The following GFRAL variants were observed in gnomAD, a reference collection of about 807,000 sequenced individuals.
GFRAL encodes the protein GDNF family receptor alpha like, also known as GDNF family receptor alpha-like.
In GFRAL, 36 loss-of-function variants were observed where a neutral mutation model predicts 45.4. The observed-to-expected ratio is 0.79, with a 90% CI of 0.61 to 1.05. The LOEUF (loss-of-function observed/expected upper bound fraction) is 1.05. Among genes scored for constraint, GFRAL ranks in the 50% least tolerant of loss-of-function variants. The pLI, the probability that GFRAL is intolerant of heterozygous loss-of-function variation, is 0.00. For synonymous variants in GFRAL, 166 were observed against 154.1 expected (o/e 1.08, Z -0.57); for missense variants, 507 against 467.5 (o/e 1.08, Z -0.78).
intron 2 of GFRAL, among the ~76,000 whole-genome samples, chr6:55,332,714 G>A (rs116145008): frequency 0.013 from 1,990 of 152,112 alleles, 23 homozygotes; most frequent in Non-Finnish European, 0.022. Context: ...GCACCACCGT[G>A]CCTGGCCTAT....
intron 4 of GFRAL, 56 bp downstream of exon 4, chr6:55,350,201 A>G: frequency 9.6e-7 from 1 of 1,044,818 alleles, no homozygotes; most frequent in Non-Finnish European, 1.5e-6. Flanking sequence ...ATAATATAAA[A>G]TGCAGTTACC....
chr6:55,382,493 T>C (rs1166463244), intron 6 of GFRAL, among the ~76,000 whole-genome samples: 1 of 151,926 alleles, frequency 6.6e-6, no homozygotes, highest in Non-Finnish European at 1.5e-5. Context: ...TTGGGTTGGG[T>C]CCTCAGGGAA....
chr6:55,357,315 T>A (rs1768207882), intron 5 of GFRAL, among the ~76,000 whole-genome samples: 1 of 151,922 alleles, frequency 6.6e-6, no homozygotes, highest in South Asian at 2.1e-4. Flanking sequence ...TTAGGTCTAA[T>A]ACTATTTGCT....
intron 3 of GFRAL, among the ~76,000 whole-genome samples, chr6:55,346,849 A>AG (rs1768050187): frequency 1.4e-5 from 2 of 139,216 alleles, no homozygotes; most frequent in African/African-American, 5.1e-5. Context: ...CCCCAAAAAA[A>AG]AGAAAAAACA....
At chr6:55,396,270 C>T (rs1209688923) in intron 6 of GFRAL, among the ~76,000 whole-genome samples, 2 of 152,104 alleles carry the variant, frequency 1.3e-5, no homozygotes, top group African/African-American at 2.4e-5. Flanking sequence ...TCTATTATAA[C>T]GTTGTTAATG....
At chr6:55,387,125 C>T (rs1017416491) in intron 6 of GFRAL, among the ~76,000 whole-genome samples, 1 of 152,034 alleles carries the variant, frequency 6.6e-6, no homozygotes, top group African/African-American at 2.4e-5. Context: ...TAAAGAGTTG[C>T]CATTGATGAG....
intron 6 of GFRAL, among the ~76,000 whole-genome samples, chr6:55,392,925 A>G (rs965164709): frequency 1.3e-5 from 2 of 152,182 alleles, no homozygotes; most frequent in Admixed American, 1.3e-4. Context: ...TGAAAAAGAA[A>G]AAAGGAAAGA....
intron 6 of GFRAL, among the ~76,000 whole-genome samples, chr6:55,381,779 C>T (rs1768610995): frequency 6.6e-6 from 1 of 151,762 alleles, no homozygotes; most frequent in African/African-American, 2.4e-5. Context: ...ATAAATAAAA[C>T]ACTGAGCTAA....
chr6:55,394,435 A>G (rs557114134), intron 6 of GFRAL, among the ~76,000 whole-genome samples: 176 of 152,274 alleles, frequency 1.2e-3, no homozygotes, highest in Non-Finnish European at 2.1e-3. Flanking sequence ...CCAGTGAAGA[A>G]GAATATTTGA....
At chr6:55,391,948 T>A (rs191391049) in intron 6 of GFRAL, among the ~76,000 whole-genome samples, 1 of 152,348 alleles carries the variant, frequency 6.6e-6, no homozygotes, top group Admixed American at 6.5e-5. Context: ...ATTGCCTATG[T>A]TTAGTTTTTA....
At chr6:55,333,243 A>G (rs1274241894) in intron 2 of GFRAL, among the ~76,000 whole-genome samples, 2 of 152,138 alleles carry the variant, frequency 1.3e-5, no homozygotes, top group Non-Finnish European at 2.9e-5. Flanking sequence ...GAAAATGTTC[A>G]GGTAGAGGAT....
chr6:55,400,031 A>C (rs1426794639), intron 8 of GFRAL, among the ~76,000 whole-genome samples: 1 of 152,164 alleles, frequency 6.6e-6, no homozygotes, highest in Admixed American at 6.5e-5. Flanking sequence ...TCCAGCAGGC[A>C]TGTGAGACAT....
intron 3 of GFRAL, among the ~76,000 whole-genome samples, chr6:55,348,033 T>C (rs1344147776): frequency 1.3e-5 from 2 of 152,146 alleles, no homozygotes; most frequent in East Asian, 1.9e-4. Flanking sequence ...AAAAAGAAGA[T>C]GTATGGAAGT....
At chr6:55,388,563 A>T (rs1209560660) in intron 6 of GFRAL, among the ~76,000 whole-genome samples, 1 of 152,214 alleles carries the variant, frequency 6.6e-6, no homozygotes, top group Non-Finnish European at 1.5e-5. Context: ...TTGAAAATGT[A>T]CACTAAGCAT....
intron 5 of GFRAL, among the ~76,000 whole-genome samples, chr6:55,354,447 A>G (rs1206331953): frequency 6.6e-6 from 1 of 152,028 alleles, no homozygotes; most frequent in East Asian, 1.9e-4. Context: ...TAGTATACAT[A>G]TATGTATTTC....
chr6:55,360,589 T>C (rs1057451924), intron 6 of GFRAL, among the ~76,000 whole-genome samples: 3 of 151,982 alleles, frequency 2.0e-5, no homozygotes, highest in African/African-American at 7.2e-5. Flanking sequence ...GTGTTTTCTG[T>C]GGAATATCCA....
chr6:55,348,016 T>C lies in GFRAL; in HGVS notation c.317-2076T>C, dbSNP rs189998158. On this transcript the variant is annotated intron_variant, in intron 3 of 8. Transcript: ENST00000340465. ...AGAGTTTAGTTTCTGATATTATCAA[T>C]GTTAAGAAAAAGAAGATGTATGGAA... Among the ~76,000 whole-genome samples, 375 of 152,238 alleles carry C rather than the reference T, an allele frequency of 2.5e-3. 1 individual carries two copies. The highest frequency in any genetic ancestry group is 8.5e-3 in the African/African-American group (353 of 41,554).
intron 2 of GFRAL, among the ~76,000 whole-genome samples, chr6:55,333,500 A>C (rs1438457700): frequency 1.3e-5 from 2 of 152,184 alleles, no homozygotes; most frequent in African/African-American, 4.8e-5. Context: ...CACCTCCTGT[A>C]AGAGTAGCCT....
chr6:55,397,242 G>T (rs1348254014), intron 6 of GFRAL, among the ~76,000 whole-genome samples: 1 of 139,322 alleles, frequency 7.2e-6, no homozygotes, highest in Non-Finnish European at 1.6e-5. Context: ...ATGCCGGCCG[G>T]GCGCGGTGGC....
Sources: allele counts gnomAD v4.1 joint callset (sites outside exome capture counted in the v4.1 genomes callset), GRCh38; gene constraint gnomAD v4.1.1; transcripts MANE v1.5; gene names NCBI Gene and HGNC (gene_info 2026-07-23, HGNC 2026-07-21).